SDK2: variants seen among roughly 807,000 people sequenced by gnomAD.
SDK2 encodes the protein protein sidekick-2.
SDK2 carries 105 observed loss-of-function variants against 253.9 expected under a neutral mutation model. That is an observed-to-expected ratio of 0.41 (90% CI 0.35 to 0.49). SDK2 has a LOEUF of 0.49. Among genes scored for constraint, SDK2 ranks in the 20% least tolerant of loss-of-function variants. The probability of loss-of-function intolerance (pLI) is 0.06; values close to 1 mark genes in which losing one functional copy is unlikely to be tolerated. For missense variants in SDK2, 2,608 were observed against 3,003.0 expected, an observed-to-expected ratio of 0.87 and a Z score of 3.07; for synonymous variants, 1,249 against 1,234.9, an observed-to-expected ratio of 1.01 and a Z score of -0.24.
chr17:73,617,905 C>G (rs2046081385), intron 1 of SDK2, among the ~76,000 whole-genome samples: 1 of 151,810 alleles, frequency 6.6e-6, no homozygotes, highest in South Asian at 2.1e-4. Context: ...ACCCAACAAC[C>G]CTGTTTTGAG....
intron 1 of SDK2, among the ~76,000 whole-genome samples, chr17:73,637,035 C>T (rs2046340984): frequency 1.3e-5 from 2 of 152,182 alleles, no homozygotes. Flanking sequence ...GAACCCAGGT[C>T]AGCCCAATTC....
chr17:73,520,036 C>A (rs886238414), intron 1 of SDK2: 1 of 152,294 alleles, frequency 6.6e-6, no homozygotes, highest in East Asian at 1.9e-4. Flanking sequence ...AATAACACCA[C>A]GCGGCTCTAT....
intron 2 of SDK2, among the ~76,000 whole-genome samples, chr17:73,483,627 ATATG>A (rs1301657187): frequency 1.4e-4 from 14 of 101,630 alleles, no homozygotes; most frequent in Non-Finnish European, 2.6e-4. Context: ...ATATATATGT[ATATG>A]TATATATATA....
At chr17:73,445,733 G>A (rs2063449113) in intron 5 of SDK2, among the ~76,000 whole-genome samples, 1 of 148,532 alleles carries the variant, frequency 6.7e-6, no homozygotes, top group Non-Finnish European at 1.5e-5. Flanking sequence ...GGCAGGCTGG[G>A]GATTTGTGTC....
At chr17:73,614,287 G>A (rs2046019276) in intron 1 of SDK2, among the ~76,000 whole-genome samples, 2 of 152,168 alleles carry the variant, frequency 1.3e-5, no homozygotes, top group Admixed American at 1.3e-4. Flanking sequence ...AGTGCAGGAA[G>A]GGGTCTCGCT....
intron 2 of SDK2, among the ~76,000 whole-genome samples, chr17:73,501,128 T>C (rs762065240): frequency 5.3e-5 from 8 of 152,194 alleles, no homozygotes; most frequent in Non-Finnish European, 1.0e-4. Flanking sequence ...GGCTTTTATG[T>C]GAGTTGCACA....
chr17:73,401,906 GC>G (rs1474857763), intron 19 of SDK2, 39 bp downstream of exon 19: 4 of 1,478,300 alleles, frequency 2.7e-6, no homozygotes, highest in Non-Finnish European at 3.7e-6. Flanking sequence ...CTGGCCTTGG[GC>G]GGGGGGGGGC....
chr17:73,425,169 G>A (rs1489965093), intron 12 of SDK2, among the ~76,000 whole-genome samples: 3 of 152,064 alleles, frequency 2.0e-5, no homozygotes, highest in East Asian at 1.9e-4. Flanking sequence ...GCGGGGAGCC[G>A]AGATGGTGCC....
Position 73,395,133 on chromosome 17 carries a change from G to A in SDK2, c.3592+22C>T. 5 of 1,549,468 alleles carry A rather than the reference G, an allele frequency of 3.2e-6. No individual in the cohort carries two copies. The African/African-American group carries it at 4.1e-5, about 13-fold the overall frequency. ...CAAGGAGGGGACAGGCAGCAGGGTG[G>A]CTGGGTGTGAGGGGTTGGTACCTGA... On this transcript the variant is annotated intron_variant, in intron 25 of 44. Transcript: ENST00000392650. The surrounding 1 kb of genome is among the most constrained non-coding windows in gnomAD (Gnocchi z 4.3).
At chr17:73,418,849 C>T (rs912021660) in intron 16 of SDK2, among the ~76,000 whole-genome samples, 14 of 152,148 alleles carry the variant, frequency 9.2e-5, no homozygotes, top group Admixed American at 5.9e-4. Flanking sequence ...GGAATATTCG[C>T]GGCTTCCCAG....
intron 2 of SDK2, among the ~76,000 whole-genome samples, chr17:73,491,076 A>G (rs991177514): frequency 1.3e-5 from 2 of 152,228 alleles, no homozygotes; most frequent in Non-Finnish European, 2.9e-5. Flanking sequence ...TGAGGATTAA[A>G]TGAGTTAATA....
At chr17:73,593,109 T>C (rs746095655) in intron 1 of SDK2, among the ~76,000 whole-genome samples, 12 of 151,998 alleles carry the variant, frequency 7.9e-5, no homozygotes, top group Admixed American at 7.9e-4. Context: ...TCCCTCCTCC[T>C]CCTCCCCACC....
chr17:73,393,810 C>T, intron 26 of SDK2, 61 bp from the exon 27 acceptor site: 1 of 1,352,822 alleles, frequency 7.4e-7, no homozygotes, highest in South Asian at 1.7e-5. Flanking sequence ...CTACACTTTT[C>T]CCGAGTCTCA....
At chr17:73,357,214 GC>G (rs1390915772) in intron 40 of SDK2, among the ~76,000 whole-genome samples, 3 of 152,228 alleles carry the variant, frequency 2.0e-5, no homozygotes, top group Non-Finnish European at 4.4e-5. Flanking sequence ...TTAACTCTCT[GC>G]TATTGGGATG....
At chr17:73,579,769 G>T (rs560041963) in intron 1 of SDK2, among the ~76,000 whole-genome samples, 89 of 152,240 alleles carry the variant, frequency 5.8e-4, no homozygotes, top group African/African-American at 1.9e-3. Context: ...CTGAGGTCGG[G>T]AGTTCAAGAC....
At chr17:73,374,309 G>A (rs2062759414) in intron 36 of SDK2, among the ~76,000 whole-genome samples, 1 of 143,770 alleles carries the variant, frequency 7.0e-6, no homozygotes, top group Admixed American at 7.0e-5. Flanking sequence ...CCCCTCGAAT[G>A]TCCAACAGAC....
intron 29 of SDK2, among the ~76,000 whole-genome samples, chr17:73,389,171 T>C (rs2145493081): frequency 7.0e-6 from 1 of 143,504 alleles, no homozygotes; most frequent in African/African-American, 2.6e-5. Context: ...CACACCTGGC[T>C]GATATTCCTT....
At chr17:73,458,952 C>G (rs368785258) in intron 3 of SDK2, among the ~76,000 whole-genome samples, 4 of 152,114 alleles carry the variant, frequency 2.6e-5, no homozygotes, top group African/African-American at 9.7e-5. Flanking sequence ...TGCGGTGAGC[C>G]GAGATGGGGT....
Position 73,398,380 on chromosome 17 carries a change from G to C in SDK2, c.3143C>G (p.Ser1048Cys), listed in dbSNP as rs2062990454. The C allele has an allele frequency of 5.0e-6, 8 of 1,613,982 alleles. No homozygotes were observed. The highest frequency in any genetic ancestry group is 6.8e-6 in the Non-Finnish European group (8 of 1,179,864). The change falls in exon 23 of 45, where the codon TCC becomes TGC. Residue 1048 changes from serine to cysteine, a missense_variant. By Grantham distance (112) the Ser-to-Cys change is moderately radical. Coordinates refer to ENST00000392650, the MANE Select transcript of SDK2 (RefSeq NM_001144952.2). ...CATGGAGCGGGCATCGGGCTCATTGGAGAGCTGGTGGATCAGCAACCACTC... is the reference window on the plus strand; with the variant it reads ...CATGGAGCGGGCATCGGGCTCATTGCAGAGCTGGTGGATCAGCAACCACTC... The part of the protein sequence containing the change: ...GEEWLLIHQL[S>C]NEPDARSMEV...
Sources: allele counts gnomAD v4.1 joint callset (sites outside exome capture counted in the v4.1 genomes callset), GRCh38; gene constraint gnomAD v4.1.1; non-coding constraint Gnocchi (gnomAD v3.1); transcripts MANE v1.5; gene names NCBI Gene and HGNC (gene_info 2026-07-23, HGNC 2026-07-21).